ABCA13: variants seen among roughly 807,000 people sequenced by gnomAD.
ABCA13 encodes ATP binding cassette subfamily A member 13, also known as ATP-binding cassette sub-family A member 13.
Under a neutral mutation model 478.7 loss-of-function variants are expected in ABCA13, and 476 were observed. The observed-to-expected ratio is 0.99, with a 90% CI of 0.92 to 1.07. The LOEUF (loss-of-function observed/expected upper bound fraction) is 1.07. Ranked by LOEUF, ABCA13 falls within the 50% of genes least tolerant of loss-of-function variation. The pLI, the probability that ABCA13 is intolerant of heterozygous loss-of-function variation, is 0.00. For synonymous variants in ABCA13, 2,252 were observed against 2,158.9 expected, an observed-to-expected ratio of 1.04 and a Z score of -1.20; for missense variants, 6,060 against 5,910.6, an observed-to-expected ratio of 1.03 and a Z score of -0.83.
chr7:48,637,991 C>T (rs1794817008), intron 59 of ABCA13, among the ~76,000 whole-genome samples: 1 of 152,074 alleles, frequency 6.6e-6, no homozygotes, highest in South Asian at 2.1e-4. Context: ...GAAGGATGCA[C>T]CATACACCTG....
At chr7:48,174,468 A>C (rs1741502051) in intron 1 of ABCA13, among the ~76,000 whole-genome samples, 1 of 152,152 alleles carries the variant, frequency 6.6e-6, no homozygotes, top group Non-Finnish European at 1.5e-5. Context: ...AAAACATCTT[A>C]TTATAGATTC....
intron 31 of ABCA13, among the ~76,000 whole-genome samples, chr7:48,361,380 G>A (rs1810811315): frequency 6.6e-6 from 1 of 151,106 alleles, no homozygotes; most frequent in Admixed American, 6.6e-5. Flanking sequence ...TCTCGGTGTG[G>A]TTACTCCTCT....
intron 58 of ABCA13, among the ~76,000 whole-genome samples, chr7:48,608,077 C>T (rs1791650392): frequency 6.6e-6 from 1 of 152,070 alleles, no homozygotes; most frequent in South Asian, 2.1e-4. Context: ...GACAGGGTTT[C>T]ACCATGTTGG....
intron 48 of ABCA13, among the ~76,000 whole-genome samples, chr7:48,492,599 G>C (rs1462603063): frequency 1.3e-5 from 2 of 152,162 alleles, no homozygotes; most frequent in South Asian, 2.1e-4. Flanking sequence ...AGGTGCTTGG[G>C]TCATGAGGCC....
chr7:48,537,006 T>C (rs1833630811), intron 55 of ABCA13, among the ~76,000 whole-genome samples: 1 of 152,058 alleles, frequency 6.6e-6, no homozygotes, highest in South Asian at 2.1e-4. Context: ...ATAACTATGG[T>C]TCTCCTAAAA....
At chr7:48,221,229 T>A (rs1018527751) in intron 4 of ABCA13, 52 bp from the exon 5 acceptor site, 1 of 942,092 alleles carries the variant, frequency 1.1e-6, no homozygotes, top group Non-Finnish European at 1.6e-6. Context: ...ATTTAGCATG[T>A]GCTTTTTCAT....
chr7:48,422,591 C>T (rs1297812013), intron 41 of ABCA13, among the ~76,000 whole-genome samples: 1 of 152,184 alleles, frequency 6.6e-6, no homozygotes, highest in Non-Finnish European at 1.5e-5. Context: ...TTCTACTCTA[C>T]TTACCAACGT....
chr7:48,492,374 C>A (rs1829916343), intron 48 of ABCA13, among the ~76,000 whole-genome samples: 1 of 152,222 alleles, frequency 6.6e-6, no homozygotes, highest in African/African-American at 2.4e-5. Context: ...CTCACCACCC[C>A]TGCAGGATGA....
At chr7:48,443,665 T>G (rs1823919286) in intron 42 of ABCA13, among the ~76,000 whole-genome samples, 1 of 152,216 alleles carries the variant, frequency 6.6e-6, no homozygotes, top group South Asian at 2.1e-4. Context: ...GTAACAGGAC[T>G]GTCAACACTG....
intron 35 of ABCA13, among the ~76,000 whole-genome samples, chr7:48,376,917 G>T (rs902038363): frequency 6.6e-6 from 1 of 152,096 alleles, no homozygotes; most frequent in Admixed American, 6.5e-5. Context: ...GGGTGAGGGT[G>T]GGGGTGCTCA....
chr7:48,387,893 G>A lies in ABCA13; in HGVS notation c.11407G>A (p.Val3803Met), dbSNP rs1815427557. ...ATATTGGAAGAGTGTGGGTTTCTTGGTGGAGAAAAGGCAATACTTTCTAAG... is the reference window on the plus strand; with the variant it reads ...ATATTGGAAGAGTGTGGGTTTCTTGATGGAGAAAAGGCAATACTTTCTAAG... Reference protein sequence around the residue: ...ASYWKSVGFLVEKRQYFLSSS... With the variant: ...ASYWKSVGFLMEKRQYFLSSS... Residue 3803 changes from valine (V) to methionine (M), a missense_variant, in exon 36 of 62, where the codon GTG (valine) becomes ATG (methionine). This residue lies in a region of ABCA13 where 1,627 missense variants were observed against 1,571.0 expected (regional missense o/e 1.04). Coordinates refer to ENST00000435803, the MANE Select transcript of ABCA13 (RefSeq NM_152701.5). The A allele has an allele frequency of 1.9e-6, 3 of 1,612,378 alleles. 1 individual carries two copies. The highest frequency in any genetic ancestry group is 2.2e-5 in the South Asian group (2 of 90,870).
intron 24 of ABCA13, among the ~76,000 whole-genome samples, chr7:48,310,573 C>T (rs879360128): frequency 1.1e-4 from 17 of 152,256 alleles, no homozygotes; most frequent in Admixed American, 3.3e-4. Flanking sequence ...GCTCCCTGCA[C>T]GGTGGCCCTA....
intron 55 of ABCA13, among the ~76,000 whole-genome samples, chr7:48,532,083 C>G (rs890945493): frequency 6.6e-6 from 1 of 152,070 alleles, no homozygotes; most frequent in African/African-American, 2.4e-5. Flanking sequence ...TTCCAATTCT[C>G]AGGGGGAATG....
chr7:48,337,237 T>C (rs1806409527), intron 28 of ABCA13, among the ~76,000 whole-genome samples: 1 of 152,200 alleles, frequency 6.6e-6, no homozygotes, highest in Admixed American at 6.5e-5. Context: ...TTAGAGTCTC[T>C]GAGGAAAGCC....
At chr7:48,184,156 A>G (rs901404142) in intron 1 of ABCA13, among the ~76,000 whole-genome samples, 5 of 152,162 alleles carry the variant, frequency 3.3e-5, no homozygotes, top group Admixed American at 1.3e-4. Flanking sequence ...GTGTAAAATG[A>G]TGATCTCATT....
chr7:48,404,999 G>A (rs2129078213), intron 39 of ABCA13, among the ~76,000 whole-genome samples: 1 of 152,356 alleles, frequency 6.6e-6, no homozygotes, highest in Non-Finnish European at 1.5e-5. Flanking sequence ...CACATCTGCG[G>A]TGCTGGCTCC....
chr7:48,341,372 G>C (rs1267477035), intron 29 of ABCA13, among the ~76,000 whole-genome samples: 1 of 152,056 alleles, frequency 6.6e-6, no homozygotes, highest in Non-Finnish European at 1.5e-5. Context: ...TCTCTGCTCT[G>C]CTCTCCTGGG....
At chr7:48,522,827 C>T (rs1022274803) in intron 53 of ABCA13, among the ~76,000 whole-genome samples, 6 of 152,276 alleles carry the variant, frequency 3.9e-5, no homozygotes, top group Admixed American at 3.9e-4. Flanking sequence ...AGGTAATCCT[C>T]CTGAGGAGAG....
intron 48 of ABCA13, among the ~76,000 whole-genome samples, chr7:48,498,273 T>C (rs1563354383): frequency 6.6e-6 from 1 of 152,156 alleles, no homozygotes; most frequent in Non-Finnish European, 1.5e-5. Context: ...AAGTAGTTCT[T>C]TTGTTAGACC....
Sources: allele counts gnomAD v4.1 joint callset (sites outside exome capture counted in the v4.1 genomes callset), GRCh38; gene constraint gnomAD v4.1.1; regional missense constraint gnomAD v4.1.1; transcripts MANE v1.5; gene names NCBI Gene and HGNC (gene_info 2026-07-23, HGNC 2026-07-21).